NTM: variants seen among roughly 807,000 people sequenced by gnomAD.
The protein encoded by NTM is IgLON family member 2.
Under a neutral mutation model 42.1 loss-of-function variants are expected in NTM, and 13 were observed. The observed-to-expected ratio is 0.31, with a 90% CI of 0.20 to 0.49. The LOEUF (loss-of-function observed/expected upper bound fraction) is 0.49. NTM is among the 20% of genes least tolerant of loss of function. NTM has a pLI of 0.99. For missense variants in NTM, 373 were observed against 452.8 expected (o/e 0.82, Z 1.60); for synonymous variants, 187 against 179.2 (o/e 1.04, Z -0.35).
chr11:131,540,171 T>G (rs2053002877), intron 1 of NTM, among the ~76,000 whole-genome samples: 2 of 135,482 alleles, frequency 1.5e-5, no homozygotes, highest in Non-Finnish European at 3.1e-5. Flanking sequence ...TTTTTTTTTT[T>G]TTTTTTTTTT....
intron 4 of NTM, among the ~76,000 whole-genome samples, chr11:132,272,834 C>T (rs1461925729): frequency 6.6e-6 from 1 of 151,990 alleles, no homozygotes; most frequent in Non-Finnish European, 1.5e-5. Flanking sequence ...TACTTCCTTC[C>T]TCCAGTTTGC....
chr11:131,555,681 TG>T (rs2055313128), intron 1 of NTM, among the ~76,000 whole-genome samples: 2 of 152,186 alleles, frequency 1.3e-5, no homozygotes, highest in Admixed American at 6.5e-5. Context: ...AGATGGTGTC[TG>T]GGGAGAAGAA....
At chr11:132,296,101 G>A (rs3099780) in intron 4 of NTM, among the ~76,000 whole-genome samples, 27,549 of 152,012 alleles carry the variant, frequency 0.18, 2,920 homozygotes, top group Middle Eastern at 0.29. Flanking sequence ...ATGCTGCCAA[G>A]AGAGATCAGA....
At chr11:132,314,949 T>G in intron 7 of NTM, 1 of 1,209,366 alleles carries the variant, frequency 8.3e-7, no homozygotes, top group Non-Finnish European at 1.0e-6. Flanking sequence ...AGTATATGTA[T>G]AGTACATGTA....
intron 1 of NTM, among the ~76,000 whole-genome samples, chr11:131,522,344 G>A (rs1034504667): frequency 1.5e-4 from 9 of 59,352 alleles, no homozygotes; most frequent in African/African-American, 5.3e-4. Flanking sequence ...AACAGTATTT[G>A]CAGAACAACA....
intron 1 of NTM, among the ~76,000 whole-genome samples, chr11:131,438,642 A>T (rs1377625806): frequency 6.6e-6 from 1 of 152,150 alleles, no homozygotes; most frequent in Non-Finnish European, 1.5e-5. Context: ...TGGGTCATTT[A>T]AGGTCTTCTT....
chr11:132,285,179 C>T (rs1265102209), intron 4 of NTM: 1 of 152,564 alleles, frequency 6.6e-6, no homozygotes, highest in Non-Finnish European at 1.5e-5. Flanking sequence ...CAGTAGTGCT[C>T]TCTCAGCCCA....
At chr11:132,277,992 C>T (rs778008324) in intron 4 of NTM, among the ~76,000 whole-genome samples, 7 of 152,240 alleles carry the variant, frequency 4.6e-5, no homozygotes, top group East Asian at 3.9e-4. Flanking sequence ...TTGGTATTAA[C>T]GAATCATCAA....
intron 1 of NTM, among the ~76,000 whole-genome samples, chr11:131,543,177 C>T (rs1289943484): frequency 6.6e-6 from 1 of 152,208 alleles, no homozygotes; most frequent in Non-Finnish European, 1.5e-5. Flanking sequence ...CTCCTCTCTA[C>T]ATCAAGACCA....
At chr11:131,797,806 A>G (rs1231131605) in intron 1 of NTM, among the ~76,000 whole-genome samples, 1 of 152,200 alleles carries the variant, frequency 6.6e-6, no homozygotes, top group African/African-American at 2.4e-5. Context: ...ATTATTGGCA[A>G]TTCCATGTCA....
At chr11:132,277,397 T>C (rs527606939) in intron 4 of NTM, among the ~76,000 whole-genome samples, 1 of 152,188 alleles carries the variant, frequency 6.6e-6, no homozygotes, top group Non-Finnish European at 1.5e-5. Context: ...CCAAGGATTG[T>C]AGGAGAAGGC....
chr11:131,844,436 GT>G (rs2044671335), intron 1 of NTM, among the ~76,000 whole-genome samples: 1 of 152,054 alleles, frequency 6.6e-6, no homozygotes, highest in Admixed American at 6.5e-5. Context: ...TACTCTTCAA[GT>G]TCATCTTAAT....
intron 1 of NTM, among the ~76,000 whole-genome samples, chr11:131,670,634 G>A (rs1198636528): frequency 1.3e-5 from 2 of 152,106 alleles, no homozygotes; most frequent in African/African-American, 2.4e-5. Context: ...GTGGTACTGG[G>A]GCAGGAGACA....
intron 1 of NTM, among the ~76,000 whole-genome samples, chr11:131,732,751 G>A (rs997374892): frequency 2.3e-4 from 35 of 152,156 alleles, no homozygotes; most frequent in Admixed American, 3.9e-4. Context: ...AATTCTTAGC[G>A]GAGTCTATTT....
intron 5 of NTM, 124 bp downstream of exon 5, chr11:132,307,947 T>C: frequency 1.2e-6 from 1 of 819,254 alleles, no homozygotes; most frequent in South Asian, 2.0e-5. Flanking sequence ...CAGCACCACT[T>C]TCCACACTCT....
chr11:131,668,398 C>A (rs1343861461), intron 1 of NTM, among the ~76,000 whole-genome samples: 6 of 151,388 alleles, frequency 4.0e-5, no homozygotes, highest in African/African-American at 1.2e-4. Flanking sequence ...AAAAAAAAAA[C>A]AAAAACCTTG....
intron 5 of NTM, 24 bp downstream of exon 5, chr11:132,307,847 C>A (rs935580372): frequency 1.2e-6 from 2 of 1,610,602 alleles, no homozygotes; most frequent in African/African-American, 2.7e-5. Context: ...CCACCACGCG[C>A]CCTGCACGTG....
rs575657910 is a variant in NTM, at chr11:131,418,318, G to A, written c.82+47430G>A. 5.3e-5 allele frequency among the ~76,000 whole-genome samples: 8 copies of A among 152,334 alleles called. No homozygotes were observed. The South Asian group carries it at 1.7e-3, about 32-fold the overall frequency. ...TGCTGCATCCCAAAGGCAGCGTTTT[G>A]CATGGGCTTCAGGCTGCCACAGCTT... On this transcript the variant is annotated intron_variant, in intron 1 of 8. Coordinates refer to ENST00000683400, the MANE Select transcript of NTM (RefSeq NM_001352005.2).
At chr11:131,372,326 G>A (rs1437809119) in intron 1 of NTM, among the ~76,000 whole-genome samples, 5 of 152,138 alleles carry the variant, frequency 3.3e-5, no homozygotes, top group Admixed American at 6.5e-5. Context: ...AACCCCAGGA[G>A]GCATGGGCCT....
Sources: gnomAD v4.1 joint callset for allele counts (sites outside exome capture counted in the v4.1 genomes callset) on GRCh38, gnomAD v4.1.1 for gene constraint, MANE v1.5 for transcripts, NCBI Gene and HGNC (gene_info 2026-07-23, HGNC 2026-07-21) for gene names.